DUSP4: variants seen among roughly 807,000 people sequenced by gnomAD.
DUSP4 encodes the protein dual specificity phosphatase 4.
Under a neutral mutation model 27.2 loss-of-function variants are expected in DUSP4, and 12 were observed. The observed-to-expected ratio is 0.44, with a 90% CI of 0.28 to 0.71. The LOEUF is 0.71. DUSP4 is among the 30% of genes least tolerant of loss of function. The probability of loss-of-function intolerance (pLI) is 0.14; values close to 1 mark genes in which losing one functional copy is unlikely to be tolerated. For synonymous variants in DUSP4, 257 were observed against 245.2 expected, an observed-to-expected ratio of 1.05 and a Z score of -0.45; for missense variants, 448 against 551.3, an observed-to-expected ratio of 0.81 and a Z score of 1.88.
chr8:29,338,515 GAAAC>G lies in DUSP4; in HGVS notation c.580-18_580-15del. The G allele has an allele frequency of 6.2e-7, 1 of 1,610,106 alleles. No homozygotes were observed. Reference sequence around the variant, plus strand: ...CACAGGACCCCCCTGCACAGAAAGGGAAACAAAGGCCCCTGAATGACATGAGGGT... The same window carrying G: ...CACAGGACCCCCCTGCACAGAAAGGGAAAGGCCCCTGAATGACATGAGGGT... On this transcript the variant is annotated splice_polypyrimidine_tract_variant and intron_variant, in intron 2 of 3. Coordinates refer to ENST00000240100, the MANE Select transcript of DUSP4 (RefSeq NM_001394.7).
rs1817557019 is a variant in DUSP4 at position 29,335,367 on chromosome 8, GC to G, written c.*1658del. 1 of 152,228 alleles carries G rather than the reference GC, an allele frequency of 6.6e-6. No individual in the cohort carries two copies. Among genetic ancestry groups the G allele is most frequent in the Admixed American group, 6.5e-5 (1 of 15,278 alleles). The allele number at this position is 152,228 out of a possible 1,614,324, so 9.4% of individuals were successfully genotyped here. Reference sequence around the variant, plus strand: ...CGCACGTCACGGGAGCCAGCGGCCAGCCCCCTCACCAGCAGTCAGCCCCAAC... The same window carrying G: ...CGCACGTCACGGGAGCCAGCGGCCAGCCCCTCACCAGCAGTCAGCCCCAAC... On this transcript the variant is annotated 3_prime_UTR_variant, in exon 4 of 4. Transcript: ENST00000240100.
At chr8:29,348,919 G>T in intron 1 of DUSP4, 1 of 375,982 alleles carries the variant, frequency 2.7e-6, no homozygotes, top group Non-Finnish European at 3.7e-6. Flanking sequence ...CGCCCTGCCC[G>T]CTCCCTAGCC....
chr8:29,344,002 A>C (rs910933473), intron 1 of DUSP4, among the ~76,000 whole-genome samples: 2 of 152,192 alleles, frequency 1.3e-5, no homozygotes, highest in African/African-American at 4.8e-5. Flanking sequence ...TGAAAGGGAA[A>C]GCTTATTCTC....
In DUSP4 at chr8:29,348,357, C is replaced by T. The variant is rs1476573984; in HGVS notation, c.433+1489G>A. 7.1e-6 allele frequency: 7 copies of T among 985,578 alleles called. No individual in the cohort carries two copies. In the South Asian group the frequency reaches 2.3e-4, roughly 33 times the overall value. The allele number at this position is 985,578 out of a possible 1,614,324, so 61.1% of individuals were successfully genotyped here. On this transcript the variant is annotated intron_variant, in intron 1 of 3. Transcript: ENST00000240100. Reference sequence around the variant, plus strand: ...TGGTGGCCTAACCAGGACCTGGCCCCGCTCAGCCGCCAGGCCTTCCGGGAC... The same window carrying T: ...TGGTGGCCTAACCAGGACCTGGCCCTGCTCAGCCGCCAGGCCTTCCGGGAC...
At chr8:29,340,363 A>G (rs1488078629) in intron 1 of DUSP4, 120 bp from the exon 2 acceptor site, 2 of 1,300,342 alleles carry the variant, frequency 1.5e-6, no homozygotes, top group Non-Finnish European at 2.1e-6. Context: ...CGTGCTCCAT[A>G]TTGGCCACTA....
At chr8:29,339,208 A>C (rs1340099035) in intron 2 of DUSP4, among the ~76,000 whole-genome samples, 3 of 152,206 alleles carry the variant, frequency 2.0e-5, no homozygotes, top group African/African-American at 7.2e-5. Context: ...AAATAAGCTG[A>C]TGCCCTCATG....
rs553346515 is a variant in DUSP4, at chr8:29,335,342, C to G, written c.*1684G>C. ...CAAAATGGCGCCTGCGTGCCCATGA[C>G]GCACGTCACGGGAGCCAGCGGCCAG... On this transcript the variant is annotated 3_prime_UTR_variant, in exon 4 of 4. Coordinates refer to ENST00000240100, the MANE Select transcript of DUSP4 (RefSeq NM_001394.7). The G allele has an allele frequency of 6.6e-6, 1 of 152,174 alleles. No homozygotes were observed. Among genetic ancestry groups the G allele is most frequent in the East Asian group, 1.9e-4 (1 of 5,172 alleles). The allele number at this position is 152,174 out of a possible 1,614,324, so 9.4% of individuals were successfully genotyped here.
Position 29,336,707 on chromosome 8 carries a change from C to G in DUSP4, c.*319G>C, listed in dbSNP as rs1817578094. 7.1e-6 allele frequency: 2 copies of G among 281,548 alleles called. No individual in the cohort carries two copies. Among genetic ancestry groups the G allele is most frequent in the Non-Finnish European group, 1.3e-5 (2 of 150,346 alleles). 17.4% of individuals were successfully genotyped at this position (281,548 alleles called of 1,614,324 possible). Reference sequence around the variant, plus strand: ...TTGCTAGGATCTGTGGGTTTCATCACTTCAAGCCTTACTGCTTAAAAAAAT... The same window carrying G: ...TTGCTAGGATCTGTGGGTTTCATCAGTTCAAGCCTTACTGCTTAAAAAAAT... On this transcript the variant is annotated 3_prime_UTR_variant, in exon 4 of 4. Coordinates refer to ENST00000240100, the MANE Select transcript of DUSP4 (RefSeq NM_001394.7).
At chr8:29,342,170 G>A (rs753096017) in intron 1 of DUSP4, among the ~76,000 whole-genome samples, 4 of 152,178 alleles carry the variant, frequency 2.6e-5, no homozygotes, top group Admixed American at 1.3e-4. Flanking sequence ...AGCAGGAAGA[G>A]CCCAGAGCAG....
In DUSP4 at chr8:29,337,368, C is replaced by G; in HGVS notation, c.843G>C (p.Gln281His). 6.2e-7 allele frequency: 1 copy of G among 1,610,450 alleles called. No individual in the cohort carries two copies. The highest frequency in any genetic ancestry group is 2.2e-5 in the East Asian group (1 of 44,872). ...TGGTGGCCGACCGCGAGATGCCCGC[C>G]TGGCAGTGCACCAGCACGCGCCCAC... ...DCRGRVLVHCQAGISRSATIC... is the reference protein window; with the variant it reads ...DCRGRVLVHCHAGISRSATIC... The change falls in exon 4 of 4, where the codon CAG becomes CAC. Residue 281 changes from glutamine (Q) to histidine (H), a missense_variant. Physicochemically the swap from Gln to His is conservative, Grantham distance 24. Transcript: ENST00000240100. This position sits in a 1 kb window ranked among gnomAD's most constrained non-coding sequence, Gnocchi z 6.4.
intron 1 of DUSP4, among the ~76,000 whole-genome samples, chr8:29,349,422 A>T (rs1587054456): frequency 6.6e-6 from 1 of 151,212 alleles, no homozygotes; most frequent in African/African-American, 2.4e-5. Flanking sequence ...CCTTTTCTCC[A>T]CCTCTGGGAT....
Position 29,350,637 on chromosome 8 carries a change from G to A in DUSP4, c.-359C>T. ...GGCTCCTGTCGCCACTGGCGCCAGC[G>A]CTGCCCTGCCTACGCTCCTCCGGCG... On this transcript the variant is annotated 5_prime_UTR_variant, in exon 1 of 4. Coordinates refer to ENST00000240100, the MANE Select transcript of DUSP4 (RefSeq NM_001394.7). 3.8e-6 allele frequency: 1 copy of A among 260,206 alleles called. No homozygotes were observed. The highest frequency in any genetic ancestry group is 7.2e-6 in the Non-Finnish European group (1 of 138,574). 16.1% of individuals were successfully genotyped at this position (260,206 alleles called of 1,614,324 possible).
In DUSP4 at chr8:29,337,651, C is replaced by T. The variant is rs1358482124; in HGVS notation, c.800-240G>A. Among the ~76,000 whole-genome samples, 1 of 152,172 alleles carries T rather than the reference C, an allele frequency of 6.6e-6. No homozygotes were observed. Among genetic ancestry groups the T allele is most frequent in the Non-Finnish European group, 1.5e-5 (1 of 68,028 alleles). Reference sequence around the variant, plus strand: ...ATCCTATTATCTGTTCAAGGATTTCCCTTTGCAGAAACAAAACAGTGGGGT... The same window carrying T: ...ATCCTATTATCTGTTCAAGGATTTCTCTTTGCAGAAACAAAACAGTGGGGT... On this transcript the variant is annotated intron_variant, in intron 3 of 3. Coordinates refer to ENST00000240100, the MANE Select transcript of DUSP4 (RefSeq NM_001394.7). The surrounding 1 kb of genome is among the most constrained non-coding windows in gnomAD (Gnocchi z 6.4).
chr8:29,335,851 C>G lies in DUSP4; in HGVS notation c.*1175G>C, dbSNP rs912165620. ...TAGACAAGTCTTAGGCAGGTTTATG[C>G]AAAAAATGCTGCAACCACCCAGTGA... On this transcript the variant is annotated 3_prime_UTR_variant, in exon 4 of 4. Coordinates refer to ENST00000240100, the MANE Select transcript of DUSP4 (RefSeq NM_001394.7). The G allele has an allele frequency of 6.6e-6, 1 of 152,108 alleles. No individual in the cohort carries two copies. The highest frequency in any genetic ancestry group is 2.4e-5 in the African/African-American group (1 of 41,408). 9.4% of individuals were successfully genotyped at this position (152,108 alleles called of 1,614,324 possible).
In DUSP4 at chr8:29,337,293, G is replaced by A; in HGVS notation, c.918C>T (p.Ala306=). The A allele has an allele frequency of 6.2e-7, 1 of 1,613,424 alleles. No homozygotes were observed. The highest frequency in any genetic ancestry group is 8.5e-7 in the Non-Finnish European group (1 of 1,180,002). Residue 306 remains alanine, a synonymous_variant, in exon 4 of 4, where the codon GCC becomes GCT. Coordinates refer to ENST00000240100, the MANE Select transcript of DUSP4 (RefSeq NM_001394.7). The surrounding 1 kb of genome is among the most constrained non-coding windows in gnomAD (Gnocchi z 6.4). ...MMKKRVRLEE[A]FEFVKQRRSI... ...TGCGGCGCTGCTTAACGAACTCGAA[G>A]GCCTCCTCCAGCCTCACCCGTTTCT...
At position 29,337,813 on chromosome 8, in the gene DUSP4, C is replaced by T. The variant is rs1204640209; in HGVS notation, c.800-402G>A. Among the ~76,000 whole-genome samples, 1 of 151,968 alleles carries T rather than the reference C, an allele frequency of 6.6e-6. No homozygotes were observed. The highest frequency in any genetic ancestry group is 1.5e-5 in the Non-Finnish European group (1 of 67,984). ...TACAAAAATACAAAAATTAGCTGGG[C>T]GTGGTGGTGCACTTGTAGTCCCAGC... On this transcript the variant is annotated intron_variant, in intron 3 of 3. Coordinates refer to ENST00000240100, the MANE Select transcript of DUSP4 (RefSeq NM_001394.7). The surrounding 1 kb of genome is among the most constrained non-coding windows in gnomAD (Gnocchi z 6.4).
rs1186345296 is a variant in DUSP4 at position 29,337,685 on chromosome 8, G to C, written c.800-274C>G. On this transcript the variant is annotated intron_variant, in intron 3 of 3. Transcript: ENST00000240100. This position sits in a 1 kb window ranked among gnomAD's most constrained non-coding sequence, Gnocchi z 6.4. Reference sequence around the variant, plus strand: ...AAACAAAACAGTGGGGTCCAGGGTGGTGGCTCACTCCTGTAATCCCAGCGC... The same window carrying C: ...AAACAAAACAGTGGGGTCCAGGGTGCTGGCTCACTCCTGTAATCCCAGCGC... Among the ~76,000 whole-genome samples the C allele has an allele frequency of 6.6e-6, 1 of 152,202 alleles. No individual in the cohort carries two copies. Among genetic ancestry groups the C allele is most frequent in the Non-Finnish European group, 1.5e-5 (1 of 68,036 alleles).
intron 1 of DUSP4, among the ~76,000 whole-genome samples, chr8:29,341,595 C>T (rs565009937): frequency 6.6e-6 from 1 of 152,326 alleles, no homozygotes; most frequent in East Asian, 1.9e-4. Flanking sequence ...TCACAGTGAC[C>T]AGCCTCCCTG....
intron 1 of DUSP4, chr8:29,347,974 G>C (rs1587052960): frequency 7.1e-6 from 7 of 985,388 alleles, no homozygotes; most frequent in East Asian, 1.1e-4. Flanking sequence ...CCCCGGGAGC[G>C]GGGCCTAAGT....
Sources: allele counts gnomAD v4.1 joint callset (sites outside exome capture counted in the v4.1 genomes callset), GRCh38; gene constraint gnomAD v4.1.1; non-coding constraint Gnocchi (gnomAD v3.1); transcripts MANE v1.5; gene names NCBI Gene and HGNC (gene_info 2026-07-23, HGNC 2026-07-21).